PDE11A: variants seen among roughly 807,000 people sequenced by gnomAD.
PDE11A encodes the protein phosphodiesterase 11A, also known as dual 3',5'-cyclic-AMP and -GMP phosphodiesterase 11A.
In PDE11A, 100 loss-of-function variants were observed where a neutral mutation model predicts 100.5. The ratio of observed to expected loss-of-function variants is 1.00; its 90% CI spans 0.85 to 1.18. The LOEUF is 1.18. Ranked by LOEUF, PDE11A falls within the 50% of genes most tolerant of loss-of-function variation. PDE11A has a pLI of 0.00. For missense variants in PDE11A, 1,141 were observed against 1,152.6 expected, an observed-to-expected ratio of 0.99 and a Z score of 0.15; for synonymous variants, 381 against 420.8, an observed-to-expected ratio of 0.91 and a Z score of 1.16.
intron 1 of PDE11A, among the ~76,000 whole-genome samples, chr2:178,049,462 G>A (rs1021831962): frequency 6.6e-6 from 1 of 152,180 alleles, no homozygotes; most frequent in African/African-American, 2.4e-5. Flanking sequence ...TTCCAACTGA[G>A]GTACCGGGTT....
chr2:178,103,101 C>G (rs1023539218), intron 2 of PDE11A, among the ~76,000 whole-genome samples: 6 of 152,100 alleles, frequency 3.9e-5, no homozygotes, highest in Non-Finnish European at 7.4e-5. Context: ...AATTATTAGA[C>G]TTAGTTTCTC....
intron 19 of PDE11A, among the ~76,000 whole-genome samples, chr2:177,654,944 A>C (rs80084493): frequency 6.7e-6 from 1 of 150,152 alleles, no homozygotes; most frequent in Non-Finnish European, 1.5e-5. Context: ...CTCTAAAAAA[A>C]CTATAAAGTT....
intron 2 of PDE11A, among the ~76,000 whole-genome samples, chr2:178,085,891 CA>C (rs1464854106): frequency 3.9e-5 from 6 of 152,260 alleles, no homozygotes; most frequent in Admixed American, 3.9e-4. Context: ...GTACGATTGA[CA>C]AAAAGAACAA....
intron 1 of PDE11A, among the ~76,000 whole-genome samples, chr2:178,035,709 A>C (rs1191978069): frequency 6.6e-6 from 1 of 152,238 alleles, no homozygotes; most frequent in Non-Finnish European, 1.5e-5. Flanking sequence ...TGTGGGATGC[A>C]AGGCTGGTTC....
intron 2 of PDE11A, among the ~76,000 whole-genome samples, chr2:178,008,435 A>G (rs941170872): frequency 6.6e-6 from 1 of 152,198 alleles, no homozygotes; most frequent in African/African-American, 2.4e-5. Flanking sequence ...GTTCTATGCC[A>G]GTCAAATCCC....
intron 10 of PDE11A, among the ~76,000 whole-genome samples, chr2:177,732,590 A>G (rs1404663940): frequency 6.6e-6 from 1 of 152,232 alleles, no homozygotes; most frequent in East Asian, 1.9e-4. Flanking sequence ...TACCATTATA[A>G]ATCCTCTACC....
At chr2:177,728,641 CTT>C (rs1011596708) in intron 10 of PDE11A, among the ~76,000 whole-genome samples, 1 of 152,130 alleles carries the variant, frequency 6.6e-6, no homozygotes, top group Non-Finnish European at 1.5e-5. Context: ...TGCACGTGTT[CTT>C]TGTTACACAC....
chr2:177,833,863 A>G (rs1422984295), intron 6 of PDE11A, among the ~76,000 whole-genome samples: 6 of 152,216 alleles, frequency 3.9e-5, no homozygotes, highest in Admixed American at 3.9e-4. Context: ...CCTGCCCCAC[A>G]AGTGTTACAC....
chr2:177,707,752 G>A (rs2081301022), intron 13 of PDE11A, among the ~76,000 whole-genome samples: 1 of 152,134 alleles, frequency 6.6e-6, no homozygotes, highest in Non-Finnish European at 1.5e-5. Flanking sequence ...TTGATTAGGT[G>A]TGCACTGTTG....
intron 15 of PDE11A, among the ~76,000 whole-genome samples, chr2:177,692,176 G>A (rs1235694336): frequency 1.3e-5 from 2 of 152,136 alleles, no homozygotes; most frequent in Non-Finnish European, 2.9e-5. Flanking sequence ...AAGGTCCTAA[G>A]TAAGCACTCA....
rs1003792770 is a variant in PDE11A, at chr2:177,839,015, A to C, written c.1500+1236T>G. On this transcript the variant is annotated intron_variant, in intron 6 of 19. Coordinates refer to ENST00000286063, the MANE Select transcript of PDE11A (RefSeq NM_016953.4). ...GATTTAGGAGCCTCTAACCTCAAGAAGGAATAGAAAATACATGGAAAATGT... is the reference window on the plus strand; with the variant it reads ...GATTTAGGAGCCTCTAACCTCAAGACGGAATAGAAAATACATGGAAAATGT... Among the ~76,000 whole-genome samples, 18 of 152,228 alleles carry C rather than the reference A, an allele frequency of 1.2e-4. 1 individual carries two copies. The highest frequency in any genetic ancestry group is 2.1e-4 in the Non-Finnish European group (14 of 68,024).
At chr2:177,823,166 T>C (rs1003031073) in intron 6 of PDE11A, among the ~76,000 whole-genome samples, 4 of 152,152 alleles carry the variant, frequency 2.6e-5, no homozygotes, top group African/African-American at 9.7e-5. Flanking sequence ...TCGTCCAGTG[T>C]ACTCTTCCAA....
chr2:177,931,621 T>A (rs2085207022), intron 2 of PDE11A, among the ~76,000 whole-genome samples: 1 of 151,844 alleles, frequency 6.6e-6, no homozygotes, highest in African/African-American at 2.4e-5. Context: ...GAGACGAACA[T>A]ACCCAAATCT....
intron 10 of PDE11A, among the ~76,000 whole-genome samples, chr2:177,753,735 C>G (rs1280022601): frequency 2.6e-5 from 4 of 151,252 alleles, no homozygotes; most frequent in Admixed American, 2.0e-4. Context: ...GAGGCCCTCC[C>G]CATCCCTCAG....
At chr2:177,733,429 A>C (rs766972804) in intron 10 of PDE11A, among the ~76,000 whole-genome samples, 1 of 152,204 alleles carries the variant, frequency 6.6e-6, no homozygotes, top group Non-Finnish European at 1.5e-5. Flanking sequence ...GGGTCTTAAC[A>C]GTTAAGTGGT....
intron 2 of PDE11A, among the ~76,000 whole-genome samples, chr2:178,006,454 T>A (rs960026072): frequency 6.6e-6 from 1 of 152,092 alleles, no homozygotes; most frequent in Non-Finnish European, 1.5e-5. Flanking sequence ...TGTTAACCCC[T>A]AAGCTGGACC....
intron 2 of PDE11A, among the ~76,000 whole-genome samples, chr2:177,979,091 A>AAAG (rs1559030358): frequency 0.028 from 3,968 of 142,900 alleles, 168 homozygotes; most frequent in African/African-American, 0.097. Context: ...AAAAAAAAAA[A>AAAG]AAAGAAAGAA....
At chr2:177,737,420 T>TACACACGCACACAC (rs2081804234) in intron 10 of PDE11A, among the ~76,000 whole-genome samples, 1 of 110,434 alleles carries the variant, frequency 9.1e-6, no homozygotes, top group East Asian at 3.3e-4. Context: ...CTACTAAAAA[T>TACACACGCACACAC]ACACACACAC....
intron 12 of PDE11A, among the ~76,000 whole-genome samples, chr2:177,720,850 ACTTT>A (rs1457568166): frequency 6.6e-6 from 1 of 152,128 alleles, no homozygotes; most frequent in Non-Finnish European, 1.5e-5. Flanking sequence ...TATATAAATG[ACTTT>A]CTTTCCCAAC....
Sources: allele counts gnomAD v4.1 joint callset (sites outside exome capture counted in the v4.1 genomes callset), GRCh38; gene constraint gnomAD v4.1.1; transcripts MANE v1.5; gene names NCBI Gene and HGNC (gene_info 2026-07-23, HGNC 2026-07-21).